The following POU2AF1 variants were observed in gnomAD, a reference collection of about 807,000 sequenced individuals.
POU2AF1 encodes POU domain class 2-associating factor 1.
Under a neutral mutation model 26.3 loss-of-function variants are expected in POU2AF1, and 12 were observed. The ratio of observed to expected loss-of-function variants is 0.46; its 90% CI spans 0.29 to 0.74. The LOEUF is 0.74. Among genes scored for constraint, POU2AF1 ranks in the 30% least tolerant of loss-of-function variants. POU2AF1 has a pLI of 0.09. For missense variants in POU2AF1, 297 were observed against 334.5 expected, an observed-to-expected ratio of 0.89 and a Z score of 0.87; for synonymous variants, 175 against 148.0, an observed-to-expected ratio of 1.18 and a Z score of -1.32.
At chr11:111,358,710 A>T in intron 2 of POU2AF1, 78 bp downstream of exon 2, 1 of 1,489,304 alleles carries the variant, frequency 6.7e-7, no homozygotes, top group Non-Finnish European at 9.0e-7. Flanking sequence ...ACACACACAT[A>T]CACTCTCACA....
chr11:111,359,733 T>C (rs1486051582), intron 1 of POU2AF1, among the ~76,000 whole-genome samples: 2 of 152,264 alleles, frequency 1.3e-5, no homozygotes, highest in Admixed American at 1.3e-4. Context: ...AAGTGTCTTA[T>C]ACCCACAACT....
chr11:111,369,194 T>C (rs1217435583), intron 1 of POU2AF1, among the ~76,000 whole-genome samples: 1 of 152,172 alleles, frequency 6.6e-6, no homozygotes, highest in Non-Finnish European at 1.5e-5. Flanking sequence ...CGTACAGCAA[T>C]CCTAGACAGG....
intron 1 of POU2AF1, among the ~76,000 whole-genome samples, chr11:111,372,192 C>T (rs572427504): frequency 1.1e-4 from 16 of 152,192 alleles, no homozygotes; most frequent in Admixed American, 7.2e-4. Flanking sequence ...CCTGCTACAT[C>T]GGGCTCTCTA....
intron 4 of POU2AF1, 45 bp from the exon 5 acceptor site, chr11:111,354,620 A>T: frequency 7.0e-7 from 1 of 1,435,828 alleles, no homozygotes; most frequent in Non-Finnish European, 9.2e-7. Flanking sequence ...GCCCCAGGAG[A>T]CCCATCCACC....
Position 111,358,801 on chromosome 11 carries a change from G to T in POU2AF1, c.134C>A (p.Pro45His). The T allele has an allele frequency of 6.3e-7, 1 of 1,599,326 alleles. No homozygotes were observed. ...KRGHASSGAA[P>H]APTAVVLPHQ... ...ACAAACTCTCACCGCCGTAGGTGCAGGTGCTGCCCCACTGCTGGCGTGGCC... is the reference window on the plus strand; with the variant it reads ...ACAAACTCTCACCGCCGTAGGTGCATGTGCTGCCCCACTGCTGGCGTGGCC... Residue 45 changes from proline to histidine, a missense_variant, in exon 2 of 5, where the codon CCT becomes CAT. Coordinates refer to ENST00000393067, the MANE Select transcript of POU2AF1 (RefSeq NM_006235.3).
At chr11:111,365,921 C>G (rs1009821606) in intron 1 of POU2AF1, among the ~76,000 whole-genome samples, 2 of 152,056 alleles carry the variant, frequency 1.3e-5, no homozygotes, top group Non-Finnish European at 2.9e-5. Flanking sequence ...ACTTGTGGCC[C>G]AAGGACTTCT....
rs1434980994 is a variant in POU2AF1 at position 111,357,697 on chromosome 11, C to G, written c.204G>C (p.Leu68=). The G allele has an allele frequency of 6.2e-7, 1 of 1,612,776 alleles. No individual in the cohort carries two copies. Among genetic ancestry groups the G allele is most frequent in the Non-Finnish European group, 8.5e-7 (1 of 1,179,392 alleles). ...ATYTTVGPSC[L]DMEGSVSAVT... is the part of the protein sequence containing the mutation. ...CTGCAGACACAGAACCTTCCATGTC[C>G]AGGCAGGAAGGACCTGTGGGAAGAA... Residue 68 remains leucine, a synonymous_variant, in exon 4 of 5, where the codon CTG becomes CTC. Transcript: ENST00000393067.
Position 111,353,936 on chromosome 11 carries a change from G to A in POU2AF1, c.*325C>T. 3.1e-6 allele frequency: 1 copy of A among 325,714 alleles called. No individual in the cohort carries two copies. Among genetic ancestry groups the A allele is most frequent in the South Asian group, 5.3e-5 (1 of 18,990 alleles). The allele number at this position is 325,714 out of a possible 1,614,324, so 20.2% of individuals were successfully genotyped here. ...AAGAAGGAAAGGGAGAAGGGAAGGA[G>A]GGAAGGAAGGGAGGGAGGAAAAGGA... On this transcript the variant is annotated 3_prime_UTR_variant, in exon 5 of 5. Transcript: ENST00000393067.
intron 1 of POU2AF1, chr11:111,359,213 A>C: frequency 6.9e-6 from 3 of 434,806 alleles, no homozygotes; most frequent in Non-Finnish European, 1.2e-5. Context: ...CTACTACACA[A>C]ACCCTGTCTC....
chr11:111,366,169 A>G (rs1861101444), intron 1 of POU2AF1, among the ~76,000 whole-genome samples: 2 of 152,340 alleles, frequency 1.3e-5, no homozygotes, highest in African/African-American at 2.4e-5. Context: ...ATTTTAGTTG[A>G]CCTTTGTTGT....
At chr11:111,372,071 G>C (rs199921797) in intron 1 of POU2AF1, among the ~76,000 whole-genome samples, 173 of 113,698 alleles carry the variant, frequency 1.5e-3, no homozygotes, top group South Asian at 9.2e-3. Context: ...CACACACACA[G>C]AGAGAGAGAG....
chr11:111,356,806 C>T (rs1483121989), intron 4 of POU2AF1, among the ~76,000 whole-genome samples: 5 of 152,182 alleles, frequency 3.3e-5, no homozygotes, highest in African/African-American at 9.7e-5. Flanking sequence ...TTGATCCTGA[C>T]AACGACCCTT....
intron 4 of POU2AF1, 143 bp from the exon 5 acceptor site, chr11:111,354,718 C>G (rs543922038): frequency 5.3e-6 from 4 of 751,696 alleles, no homozygotes; most frequent in Non-Finnish European, 7.9e-6. Context: ...CCTCCTCCTG[C>G]TCAAAGTCTT....
intron 1 of POU2AF1, among the ~76,000 whole-genome samples, chr11:111,370,954 T>C (rs1421574871): frequency 1.3e-5 from 2 of 152,238 alleles, no homozygotes; most frequent in Non-Finnish European, 2.9e-5. Context: ...GAGGGATGCA[T>C]ACCTGCATGG....
At chr11:111,375,988 T>C (rs1048529503) in intron 1 of POU2AF1, among the ~76,000 whole-genome samples, 2 of 152,226 alleles carry the variant, frequency 1.3e-5, no homozygotes, top group African/African-American at 4.8e-5. Context: ...TTGGAAAATT[T>C]TGCAATATCC....
chr11:111,379,070 C>A, intron 1 of POU2AF1, 92 bp downstream of exon 1: 1 of 1,558,944 alleles, frequency 6.4e-7, no homozygotes, highest in Non-Finnish European at 8.8e-7. Context: ...CCCATCACCT[C>A]CACCACCAGC....
chr11:111,358,683 C>T (rs1591192999), intron 2 of POU2AF1, 105 bp downstream of exon 2: 1 of 1,302,576 alleles, frequency 7.7e-7, no homozygotes, highest in Non-Finnish European at 1.0e-6. Flanking sequence ...CACATACACA[C>T]ACGCATACAC....
Position 111,369,628 on chromosome 11 carries a change from A to G in POU2AF1, c.16+9534T>C, listed in dbSNP as rs77618079. On this transcript the variant is annotated intron_variant, in intron 1 of 4. Coordinates refer to ENST00000393067, the MANE Select transcript of POU2AF1 (RefSeq NM_006235.3). Reference sequence around the variant, plus strand: ...AGAGCAAAGCAGATTCCTGGATTACATATTTGGCATTGCCTCAAATTTGCT... The same window carrying G: ...AGAGCAAAGCAGATTCCTGGATTACGTATTTGGCATTGCCTCAAATTTGCT... Among the ~76,000 whole-genome samples, 940 of 152,324 alleles carry G rather than the reference A, an allele frequency of 6.2e-3. 13 individuals are homozygous for G. Among genetic ancestry groups the G allele is most frequent in the African/African-American group, 0.021 (869 of 41,558 alleles).
chr11:111,358,680 AC>A, intron 2 of POU2AF1, 107 bp downstream of exon 2: 1 of 1,281,236 alleles, frequency 7.8e-7, no homozygotes, highest in African/African-American at 1.7e-5. Context: ...AAACACATAC[AC>A]ACACGCATAC....
Sources: allele counts gnomAD v4.1 joint callset (sites outside exome capture counted in the v4.1 genomes callset), GRCh38; gene constraint gnomAD v4.1.1; transcripts MANE v1.5; gene names NCBI Gene and HGNC (gene_info 2026-07-23, HGNC 2026-07-21).